Variants in GLRA1 observed in about 807,000 individuals in gnomAD.
GLRA1 encodes the protein glycine receptor subunit alpha-1.
In GLRA1, 37 loss-of-function variants were observed where a neutral mutation model predicts 48.3. The ratio of observed to expected loss-of-function variants is 0.77; its 90% confidence interval spans 0.59 to 1.01. The LOEUF is 1.01. Ranked by LOEUF, GLRA1 falls within the 50% of genes least tolerant of loss-of-function variation. GLRA1 has a pLI of 0.00. For synonymous variants in GLRA1, 196 were observed against 210.7 expected, an observed-to-expected ratio of 0.93 and a Z score of 0.60; for missense variants, 427 against 571.0, an observed-to-expected ratio of 0.75 and a Z score of 2.57.
intron 3 of GLRA1, among the ~76,000 whole-genome samples, chr5:151,865,845 G>C (rs1241111027): frequency 6.6e-6 from 1 of 152,142 alleles, no homozygotes; most frequent in African/African-American, 2.4e-5. Flanking sequence ...CCTAGCAGCC[G>C]CTACCCAAAC....
Position 151,865,230 on chromosome 5 carries a change from C to T in GLRA1, c.253-5222G>A, listed in dbSNP as rs562818262. ...AGAGCCTCCAGTGTAATGTTTACAC[C>T]ATACTGAGGAAAGGGCTCTGATAGG... On this transcript the variant is annotated intron_variant, in intron 3 of 8. Transcript: ENST00000274576. Among the ~76,000 whole-genome samples, 4 of 152,174 alleles carry T rather than the reference C, an allele frequency of 2.6e-5. No homozygotes were observed. The East Asian group carries it at 7.7e-4, about 29-fold the overall frequency.
At chr5:151,899,820 C>T (rs892691336) in intron 1 of GLRA1, among the ~76,000 whole-genome samples, 8 of 152,172 alleles carry the variant, frequency 5.3e-5, no homozygotes, top group African/African-American at 1.9e-4. Context: ...GAGCCCAATT[C>T]ACCTCAGGGT....
intron 7 of GLRA1, among the ~76,000 whole-genome samples, chr5:151,833,550 G>A (rs879292382): frequency 2.6e-4 from 39 of 152,144 alleles, no homozygotes; most frequent in Middle Eastern, 6.8e-3. Context: ...CAAATCCTCC[G>A]CCTCCTGGGT....
intron 3 of GLRA1, among the ~76,000 whole-genome samples, chr5:151,865,952 C>G (rs1753325070): frequency 6.6e-6 from 1 of 152,184 alleles, no homozygotes; most frequent in African/African-American, 2.4e-5. Flanking sequence ...AGGCCGAAAG[C>G]TAAAGGCTGT....
At chr5:151,894,950 G>A (rs930969798) in intron 1 of GLRA1, among the ~76,000 whole-genome samples, 1 of 152,104 alleles carries the variant, frequency 6.6e-6, no homozygotes, top group Non-Finnish European at 1.5e-5. Flanking sequence ...CATATCCTGG[G>A]GAACTAATTT....
At position 151,892,415 on chromosome 5, in the gene GLRA1, TCAGCCTCCTTAGAAG is replaced by T. The variant is rs1461519890; in HGVS notation, c.65_79del (p.Ala22_Ala26del). 6.2e-7 allele frequency: 1 copy of T among 1,614,084 alleles called. No individual in the cohort carries two copies. The highest frequency in any genetic ancestry group is 1.7e-5 in the Admixed American group (1 of 60,012). On this transcript the variant is annotated inframe_deletion, in exon 2 of 9. Transcript: ENST00000274576. ...AGGCTTGGGTGCGGAGCGAGCAGCTTCAGCCTCCTTAGAAGCAGCAAGGCTAAGGAGGAAGAGAGG... is the reference window on the plus strand; with the variant it reads ...AGGCTTGGGTGCGGAGCGAGCAGCTTCAGCAAGGCTAAGGAGGAAGAGAGG...
intron 1 of GLRA1, among the ~76,000 whole-genome samples, chr5:151,920,365 C>G (rs1754844043): frequency 6.6e-6 from 1 of 152,168 alleles, no homozygotes; most frequent in Non-Finnish European, 1.5e-5. Flanking sequence ...CAGGAGTTCT[C>G]AAATTATAGC....
At chr5:151,909,623 G>C (rs1381632116) in intron 1 of GLRA1, among the ~76,000 whole-genome samples, 2 of 152,130 alleles carry the variant, frequency 1.3e-5, no homozygotes, top group Non-Finnish European at 2.9e-5. Flanking sequence ...AATGTTATCA[G>C]TATCATAATG....
chr5:151,859,326 C>T (rs1328024321), intron 4 of GLRA1, among the ~76,000 whole-genome samples: 2 of 152,166 alleles, frequency 1.3e-5, no homozygotes, highest in East Asian at 1.9e-4. Context: ...CCCCTAGACC[C>T]AGTGCAAAGT....
intron 1 of GLRA1, among the ~76,000 whole-genome samples, chr5:151,915,401 G>A (rs888612916): frequency 6.6e-6 from 1 of 152,116 alleles, no homozygotes; most frequent in Non-Finnish European, 1.5e-5. Context: ...TCTACTTGGA[G>A]AAATACCACA....
chr5:151,924,343 G>A, intron 1 of GLRA1, 151 bp downstream of exon 1: 4 of 669,770 alleles, frequency 6.0e-6, no homozygotes, highest in South Asian at 5.0e-5. Flanking sequence ...GGTGGGAGGG[G>A]GGAGAAGGGA....
At chr5:151,854,973 TG>T in intron 6 of GLRA1, 66 bp downstream of exon 6, 3 of 1,480,532 alleles carry the variant, frequency 2.0e-6, no homozygotes, top group Non-Finnish European at 2.8e-6. Flanking sequence ...AATGATTGAA[TG>T]TGTCTGAAAT....
At chr5:151,910,612 T>A (rs1754585034) in intron 1 of GLRA1, among the ~76,000 whole-genome samples, 1 of 152,234 alleles carries the variant, frequency 6.6e-6, no homozygotes, top group Admixed American at 6.5e-5. Context: ...CTGCCCATGA[T>A]ACTAACTGGC....
intron 1 of GLRA1, among the ~76,000 whole-genome samples, chr5:151,894,060 A>G (rs1212043174): frequency 3.3e-5 from 5 of 152,134 alleles, no homozygotes; most frequent in African/African-American, 1.2e-4. Context: ...TATCCAGGAG[A>G]TAGTTAGGAG....
At chr5:151,848,630 T>A (rs748239651) in intron 7 of GLRA1, among the ~76,000 whole-genome samples, 89 of 152,192 alleles carry the variant, frequency 5.8e-4, no homozygotes, top group Admixed American at 2.4e-3. Flanking sequence ...TGACCCCTCA[T>A]GGGAGCGGGA....
intron 1 of GLRA1, among the ~76,000 whole-genome samples, chr5:151,916,965 G>C (rs1754756704): frequency 6.6e-6 from 1 of 152,140 alleles, no homozygotes; most frequent in South Asian, 2.1e-4. Context: ...AGTGTGGGAG[G>C]ATTGAAGGAA....
chr5:151,875,867 A>G (rs1753614384), intron 3 of GLRA1, among the ~76,000 whole-genome samples: 1 of 152,232 alleles, frequency 6.6e-6, no homozygotes, highest in Non-Finnish European at 1.5e-5. Flanking sequence ...GGAGTCAGGC[A>G]GCCTGGGGAT....
At chr5:151,865,471 G>T (rs1753311285) in intron 3 of GLRA1, among the ~76,000 whole-genome samples, 1 of 152,206 alleles carries the variant, frequency 6.6e-6, no homozygotes. Context: ...GCAAGTGAAT[G>T]AATAGAGGAG....
chr5:151,861,033 G>A lies in GLRA1; in HGVS notation c.253-1025C>T, dbSNP rs369703370. ...AGAATGATGGTTTCCAGCTTTATCCGTGTCCCTATAAAGGACATGCACTCA... is the reference window on the plus strand; with the variant it reads ...AGAATGATGGTTTCCAGCTTTATCCATGTCCCTATAAAGGACATGCACTCA... On this transcript the variant is annotated intron_variant, in intron 3 of 8. Coordinates refer to ENST00000274576, the MANE Select transcript of GLRA1 (RefSeq NM_000171.4). Among the ~76,000 whole-genome samples the A allele has an allele frequency of 1.1e-4, 17 of 152,230 alleles. No individual in the cohort carries two copies. The East Asian group carries it at 1.9e-3, about 17-fold the overall frequency.
Sources: gnomAD v4.1 joint callset for allele counts (sites outside exome capture counted in the v4.1 genomes callset) on GRCh38, gnomAD v4.1.1 for gene constraint, MANE v1.5 for transcripts, NCBI Gene and HGNC (gene_info 2026-07-23, HGNC 2026-07-21) for gene names.